Variants in PABIR3 observed in about 807,000 individuals in gnomAD.
The protein encoded by PABIR3 is PABIR family member 3, also known as PABIR family member 1.
A neutral mutation model predicts 23.1 loss-of-function variants in PABIR3; 20 were observed. The observed-to-expected ratio is 0.86, with a 90% confidence interval of 0.61 to 1.26. The LOEUF (loss-of-function observed/expected upper bound fraction) is 1.26, where lower values mean the gene tolerates loss of function less well. Among genes scored for constraint, PABIR3 ranks in the 50% most tolerant of loss-of-function variants. PABIR3 has a pLI of 0.00. For synonymous variants in PABIR3, 69 were observed against 68.5 expected (o/e 1.01, Z -0.04); for missense variants, 189 against 195.4 (o/e 0.97, Z 0.20).
intron 3 of PABIR3, among the ~76,000 whole-genome samples, chrX:134,815,749 G>A (rs1439556270): frequency 7.4e-5 from 8 of 107,477 alleles, no homozygotes; most frequent in African/African-American, 2.7e-4. Context: ...ACATGATCTC[G>A]GCTCACTGCA....
chrX:134,853,896 G>A (rs2082718370), intron 10 of PABIR3, among the ~76,000 whole-genome samples, 195 bp from the exon 11 acceptor site: 1 of 111,971 alleles, frequency 8.9e-6, no homozygotes, highest in African/African-American at 3.2e-5. Flanking sequence ...TGGATTACAG[G>A]CATAAGCCAC....
At chrX:134,819,962 A>G (rs757681066) in intron 3 of PABIR3, among the ~76,000 whole-genome samples, 2 of 111,663 alleles carry the variant, frequency 1.8e-5, no homozygotes, top group Non-Finnish European at 3.8e-5. Flanking sequence ...GAGCATTATT[A>G]TCTCAAATAA....
intron 4 of PABIR3, among the ~76,000 whole-genome samples, chrX:134,841,304 A>T (rs1022439745): frequency 9.0e-5 from 10 of 110,948 alleles, no homozygotes; most frequent in Non-Finnish European, 1.1e-4. Flanking sequence ...CTCTTCTATT[A>T]TGGACTACCC....
At chrX:134,828,045 C>CTATATATA (rs1487383716) in intron 3 of PABIR3, among the ~76,000 whole-genome samples, 19 of 59,218 alleles carry the variant, frequency 3.2e-4, no homozygotes, top group South Asian at 1.2e-3. Flanking sequence ...CTCTCTCTCT[C>CTATATATA]TCTATATATA....
At position 134,840,355 on chromosome X, in the gene PABIR3, TA is replaced by T. The variant is rs374766306; in HGVS notation, c.247-4839del. Among the ~76,000 whole-genome samples the T allele has an allele frequency of 3.5e-3, 337 of 96,141 alleles. 1 individual carries two copies. Among genetic ancestry groups the T allele is most frequent in the South Asian group, 0.021 (47 of 2,250 alleles). The allele number at this position is 96,141 out of a possible 115,157, so 83.5% of individuals were successfully genotyped here. A position where few individuals can be genotyped will look rare whatever the true frequency, so the allele number is the denominator to read the frequency against. On this transcript the variant is annotated intron_variant, in intron 4 of 10. Transcript: ENST00000645433. ...GCGAGAAACACGCAAGAATGATCAA[TA>T]AAAAAAAAAACAAAAAACAAAAACA... is the stretch of plus-strand genomic sequence containing the variant.
the PABIR3 span, among the ~76,000 whole-genome samples, chrX:134,861,975 G>T: frequency 9.1e-6 from 1 of 110,404 alleles, no homozygotes; most frequent in African/African-American, 3.3e-5. Context: ...GAAACATTGG[G>T]TTAAAATAGA....
At chrX:134,836,768 C>T (rs1248167414) in intron 4 of PABIR3, among the ~76,000 whole-genome samples, 4 of 111,799 alleles carry the variant, frequency 3.6e-5, no homozygotes, top group Non-Finnish European at 7.5e-5. Context: ...TTTGAGGGGA[C>T]ACAATTCAAC....
At chrX:134,813,527 A>G (rs2080794524) in intron 2 of PABIR3, among the ~76,000 whole-genome samples, 1 of 112,274 alleles carries the variant, frequency 8.9e-6, no homozygotes, top group African/African-American at 3.2e-5. Flanking sequence ...ATTACAGATG[A>G]TTTCTCACAT....
chrX:134,810,415 T>A, intron 2 of PABIR3: 1 of 754,429 alleles, frequency 1.3e-6, no homozygotes, highest in Middle Eastern at 7.6e-4. Context: ...CATATTTCTG[T>A]AGTAGGAGTT....
chrX:134,843,950 T>C (rs1327969258), intron 4 of PABIR3, among the ~76,000 whole-genome samples: 1 of 83,467 alleles, frequency 1.2e-5, no homozygotes, highest in Non-Finnish European at 2.2e-5. Context: ...TGAGACAGAG[T>C]GTTGCTCTCT....
At chrX:134,801,848 C>T (rs1210502045) in intron 1 of PABIR3, among the ~76,000 whole-genome samples, 3 of 107,916 alleles carry the variant, frequency 2.8e-5, no homozygotes, top group African/African-American at 1.0e-4. Context: ...AAAGAAAATT[C>T]GACTTTTTTT....
rs374919785 is a variant in PABIR3 at position 134,849,869 on chromosome X, C to CTTTTTTTTTTTTT, written c.589+647_589+659dup. On this transcript the variant is annotated intron_variant, in intron 9 of 10. Transcript: ENST00000645433. Reference sequence around the variant, plus strand: ...ACCTCACTAAATTATGCTCTTCTTCCTTTTTTTTTTTTTTTTTTCTTGAGA... The same window carrying CTTTTTTTTTTTTT: ...ACCTCACTAAATTATGCTCTTCTTCCTTTTTTTTTTTTTTTTTTTTTTTTTTTTTTTCTTGAGA... 1.5e-3 allele frequency among the ~76,000 whole-genome samples: 89 copies of CTTTTTTTTTTTTT among 58,840 alleles called. 9 individuals carry two copies. Among genetic ancestry groups the CTTTTTTTTTTTTT allele is most frequent in the East Asian group, 5.1e-3 (7 of 1,381 alleles). The allele number at this position is 58,840 out of a possible 115,157, so 51.1% of individuals were successfully genotyped here. A position where few individuals can be genotyped will look rare whatever the true frequency, so the allele number is the denominator to read the frequency against.
chrX:134,808,999 T>C (rs1427519197), intron 2 of PABIR3, among the ~76,000 whole-genome samples: 5 of 111,283 alleles, frequency 4.5e-5, no homozygotes, highest in African/African-American at 1.6e-4. Flanking sequence ...TGTACACAGA[T>C]ATATACTATA....
At chrX:134,804,026 G>A (rs755964239), upstream of PABIR3, 23 of 301,107 alleles carry the variant, frequency 7.6e-5, no homozygotes, top group African/African-American at 6.4e-4. Context: ...AGGTTACAAC[G>A]TAGCTTCAAG....
In PABIR3 at chrX:134,845,326, C is replaced by T. The variant is rs754828593; in HGVS notation, c.291-21C>T. 1.2e-5 allele frequency: 14 copies of T among 1,199,879 alleles called. No individual in the cohort carries two copies. The East Asian group carries it at 1.5e-4, about 13-fold the overall frequency. On this transcript the variant is annotated intron_variant, in intron 5 of 10. Transcript: ENST00000645433. ...TCTTTTCTTTCAGATAGGCAAACTG[C>T]AGTTTTGATTTCTTTTGTAGGAAGC...
chrX:134,821,915 G>A, intron 3 of PABIR3: 1 of 758,326 alleles, frequency 1.3e-6, no homozygotes, highest in Non-Finnish European at 1.6e-6. Context: ...AGCAAACCTA[G>A]GAAAATGAAA....
the PABIR3 span, among the ~76,000 whole-genome samples, chrX:134,861,567 G>A: frequency 9.7e-6 from 1 of 103,342 alleles, no homozygotes; most frequent in Non-Finnish European, 2.0e-5. Context: ...CCAGCTACTA[G>A]GGAGGCTGAG....
intron 4 of PABIR3, among the ~76,000 whole-genome samples, chrX:134,840,757 C>T (rs1245914277): frequency 2.7e-5 from 3 of 110,446 alleles, no homozygotes; most frequent in Non-Finnish European, 5.7e-5. Context: ...CCTGTCTTAC[C>T]TCTCCTGTTT....
At position 134,824,784 on chromosome X, in the gene PABIR3, G is replaced by A. The variant is rs138817954; in HGVS notation, c.190-4442G>A. ...CACTGGCCACTGCACTTTAGCCTGG[G>A]TGACAGACTGAGATTCCTTCTCAAA... On this transcript the variant is annotated intron_variant, in intron 3 of 10. Coordinates refer to ENST00000645433, the MANE Select transcript of PABIR3 (RefSeq NM_001388447.1). 1.9e-3 allele frequency among the ~76,000 whole-genome samples: 208 copies of A among 111,464 alleles called. 4 individuals carry two copies. Among genetic ancestry groups the A allele is most frequent in the Admixed American group, 0.015 (154 of 10,419 alleles).
Sources: gnomAD v4.1 joint callset for allele counts (sites outside exome capture counted in the v4.1 genomes callset) on GRCh38, gnomAD v4.1.1 for gene constraint, MANE v1.5 for transcripts, NCBI Gene and HGNC (gene_info 2026-07-23, HGNC 2026-07-21) for gene names.